The following ITGAE variants were observed in gnomAD, a reference collection of about 807,000 sequenced individuals.
ITGAE encodes the protein integrin alpha-E.
A neutral mutation model predicts 136.5 loss-of-function variants in ITGAE; 99 were observed. The observed-to-expected ratio is 0.73, with a 90% CI of 0.62 to 0.86. The LOEUF (loss-of-function observed/expected upper bound fraction) is 0.86, where lower values mean the gene tolerates loss of function less well. Ranked by LOEUF, ITGAE falls within the 40% of genes least tolerant of loss-of-function variation. The pLI, the probability that ITGAE is intolerant of heterozygous loss-of-function variation, is 0.00. For synonymous variants in ITGAE, 613 were observed against 591.8 expected (o/e 1.04, Z -0.52); for missense variants, 1,447 against 1,515.3 (o/e 0.95, Z 0.75).
chr17:3,784,097 A>G (rs971695462), intron 1 of ITGAE, among the ~76,000 whole-genome samples: 2 of 151,958 alleles, frequency 1.3e-5, no homozygotes, highest in East Asian at 2.0e-4. Flanking sequence ...CGTCTCTACT[A>G]AAAATACAAA....
At chr17:3,752,988 C>T (rs1033125554) in intron 14 of ITGAE, among the ~76,000 whole-genome samples, 6 of 152,234 alleles carry the variant, frequency 3.9e-5, no homozygotes, top group East Asian at 1.9e-4. Context: ...GCAGAGGTTG[C>T]GGTGAGCCAA....
rs1481430515 is a variant in ITGAE, at chr17:3,799,912, G to A, written c.34+1199C>T. Among the ~76,000 whole-genome samples the A allele has an allele frequency of 6.6e-6, 1 of 152,106 alleles. No homozygotes were observed. The highest frequency in any genetic ancestry group is 1.5e-5 in the Non-Finnish European group (1 of 68,022). Reference sequence around the variant, plus strand: ...GGCCGAGGCAGGTCGATCACCTGAGGGCAGGAGACCAGCCTGACCAATATG... The same window carrying A: ...GGCCGAGGCAGGTCGATCACCTGAGAGCAGGAGACCAGCCTGACCAATATG... On this transcript the variant is annotated intron_variant, in intron 1 of 30. Coordinates refer to ENST00000263087, the MANE Select transcript of ITGAE (RefSeq NM_002208.5). The surrounding 1 kb of genome is among the most constrained non-coding windows in gnomAD (Gnocchi z 4.1).
chr17:3,796,395 G>A (rs2053105139), intron 1 of ITGAE, among the ~76,000 whole-genome samples: 1 of 152,118 alleles, frequency 6.6e-6, no homozygotes, highest in African/African-American at 2.4e-5. Context: ...TTGGTAGATG[G>A]TCTTGAGTTC....
intron 1 of ITGAE, among the ~76,000 whole-genome samples, chr17:3,796,502 C>T (rs1211556328): frequency 1.3e-5 from 2 of 152,032 alleles, no homozygotes; most frequent in South Asian, 2.1e-4. Flanking sequence ...TCAAATGGGG[C>T]GATACGCGGC....
At chr17:3,723,870 G>A (rs1004506129) in intron 26 of ITGAE, 126 bp from the exon 27 acceptor site, 68 of 1,516,450 alleles carry the variant, frequency 4.5e-5, no homozygotes, top group Non-Finnish European at 5.8e-5. Flanking sequence ...CGCGGCAGGC[G>A]GGCGCGTCCG....
intron 19 of ITGAE, among the ~76,000 whole-genome samples, chr17:3,741,743 T>C (rs2051593387): frequency 6.6e-6 from 1 of 152,198 alleles, no homozygotes; most frequent in Admixed American, 6.5e-5. Flanking sequence ...GATGGTGTAC[T>C]GAGAAGGACA....
rs115136140 is a variant in ITGAE at position 3,771,291 on chromosome 17, C to T, written c.155+6249G>A. ...CTTATGTGGAGAGAGAGGAGCCCGA[C>T]GTAGCGGGGCACACACCGTATGCCT... On this transcript the variant is annotated intron_variant, in intron 2 of 30. Transcript: ENST00000263087. 6.0e-3 allele frequency among the ~76,000 whole-genome samples: 919 copies of T among 152,206 alleles called. 22 individuals are homozygous for T. Among genetic ancestry groups the T allele is most frequent in the African/African-American group, 0.021 (863 of 41,524 alleles).
chr17:3,723,767 G>C, intron 26 of ITGAE, 23 bp from the exon 27 acceptor site: 1 of 1,605,164 alleles, frequency 6.2e-7, no homozygotes, highest in African/African-American at 1.3e-5. Context: ...CCATGACCGC[G>C]ACGCGCTGAA....
rs529304919 is a variant in ITGAE, at chr17:3,741,026, T to G, written c.2449-1148A>C. 2.1e-3 allele frequency among the ~76,000 whole-genome samples: 318 copies of G among 151,584 alleles called. 2 individuals carry two copies. Among genetic ancestry groups the G allele is most frequent in the Middle Eastern group, 0.014 (4 of 292 alleles). Reference sequence around the variant, plus strand: ...ATTTGCAGAAGTCAAAGCGTGGCGCTCTCTCTAAGTGGGTCAACAGTTTCA... The same window carrying G: ...ATTTGCAGAAGTCAAAGCGTGGCGCGCTCTCTAAGTGGGTCAACAGTTTCA... On this transcript the variant is annotated intron_variant, in intron 19 of 30. Coordinates refer to ENST00000263087, the MANE Select transcript of ITGAE (RefSeq NM_002208.5).
intron 1 of ITGAE, among the ~76,000 whole-genome samples, chr17:3,788,421 C>T (rs779676770): frequency 5.6e-4 from 83 of 148,182 alleles, no homozygotes; most frequent in Non-Finnish European, 8.3e-4. Flanking sequence ...TTTCGAGTAG[C>T]TGGGACTATA....
chr17:3,750,619 A>T (rs2051842162), intron 15 of ITGAE, 137 bp from the exon 16 acceptor site: 1 of 1,015,660 alleles, frequency 9.8e-7, no homozygotes, highest in Non-Finnish European at 1.4e-6. Context: ...ACCAGGAAAG[A>T]GGGAGCAAGC....
chr17:3,729,403 A>C, intron 24 of ITGAE, 75 bp downstream of exon 24: 1 of 897,760 alleles, frequency 1.1e-6, no homozygotes, highest in Non-Finnish European at 1.9e-6. Flanking sequence ...CACCAGCTCC[A>C]TCTACGAGAG....
chr17:3,797,890 A>C (rs2053159930), intron 1 of ITGAE, among the ~76,000 whole-genome samples: 2 of 152,132 alleles, frequency 1.3e-5, no homozygotes, highest in African/African-American at 2.4e-5. Context: ...GATTCCAACT[A>C]ACACACAACA....
intron 21 of ITGAE, 85 bp downstream of exon 21, chr17:3,734,732 C>T: frequency 6.5e-7 from 1 of 1,538,602 alleles, no homozygotes; most frequent in Non-Finnish European, 8.9e-7. Context: ...GCAGGGGTGC[C>T]AGTGAGGGGG....
intron 2 of ITGAE, 136 bp from the exon 3 acceptor site, chr17:3,764,096 T>A: frequency 3.2e-6 from 2 of 634,096 alleles, no homozygotes; most frequent in Non-Finnish European, 5.6e-6. Flanking sequence ...TAGCCCAGAC[T>A]CTGGATTATG....
intron 24 of ITGAE, among the ~76,000 whole-genome samples, chr17:3,728,625 A>C (rs2976232): frequency 2.7e-5 from 4 of 147,626 alleles, no homozygotes; most frequent in Non-Finnish European, 4.5e-5. Context: ...CACCCACCTC[A>C]GCCTCCCAAA....
chr17:3,747,237 G>C (rs572222921), intron 17 of ITGAE, among the ~76,000 whole-genome samples: 18 of 152,374 alleles, frequency 1.2e-4, no homozygotes, highest in African/African-American at 4.1e-4. Context: ...ACACAAGTCA[G>C]AGAGAAAGAG....
In ITGAE at chr17:3,727,977, A is replaced by C. The variant is rs2051253120; in HGVS notation, c.3026T>G (p.Val1009Gly). ...CTGGAGACCTCGTAATTTGGTTGGG[A>C]CGCAAATTTGCAACTGGTATTCTGC... ...FGAEYQLQIC[V>G]PTKLRGLQVV... The change falls in exon 26 of 31, where the codon GTC becomes GGC. Residue 1009 changes from valine (V) to glycine (G), a missense_variant. Around this residue, in one of 3 missense-constraint regions of ITGAE, gnomAD observed 1,031 missense variants for 1,011.4 expected, o/e 1.02. Coordinates refer to ENST00000263087, the MANE Select transcript of ITGAE (RefSeq NM_002208.5). 6.2e-7 allele frequency: 1 copy of C among 1,614,000 alleles called. No homozygotes were observed. Among genetic ancestry groups the C allele is most frequent in the African/African-American group, 1.3e-5 (1 of 74,916 alleles).
At chr17:3,768,061 A>G (rs1456013713) in intron 2 of ITGAE, among the ~76,000 whole-genome samples, 2 of 152,186 alleles carry the variant, frequency 1.3e-5, no homozygotes, top group African/African-American at 4.8e-5. Flanking sequence ...AAACTACAAG[A>G]AAACTTCTAT....
Sources: allele counts gnomAD v4.1 joint callset (sites outside exome capture counted in the v4.1 genomes callset), GRCh38; gene constraint gnomAD v4.1.1; regional missense constraint gnomAD v4.1.1; non-coding constraint Gnocchi (gnomAD v3.1); transcripts MANE v1.5; gene names NCBI Gene and HGNC (gene_info 2026-07-23, HGNC 2026-07-21).